The following KCNIP4 variants were observed in gnomAD, a reference collection of about 807,000 sequenced individuals.
The protein encoded by KCNIP4 is Kv channel-interacting protein 4.
A neutral mutation model predicts 34.0 loss-of-function variants in KCNIP4; 12 were observed. That is an observed-to-expected ratio of 0.35 (90% CI 0.23 to 0.57). The LOEUF (loss-of-function observed/expected upper bound fraction) is 0.57. Among genes scored for constraint, KCNIP4 ranks in the 20% least tolerant of loss-of-function variants. KCNIP4 has a pLI of 0.83. For synonymous variants in KCNIP4, 124 were observed against 102.2 expected, an observed-to-expected ratio of 1.21 and a Z score of -1.29; for missense variants, 238 against 311.7, an observed-to-expected ratio of 0.76 and a Z score of 1.78.
At chr4:21,197,588 TCCATAAATACAGCAAATCA>T (rs1756147793) in intron 1 of KCNIP4, among the ~76,000 whole-genome samples, 5 of 152,124 alleles carry the variant, frequency 3.3e-5, no homozygotes, top group African/African-American at 1.2e-4. Flanking sequence ...TAGTTTAGTT[TCCATAAATACAGCAAATCA>T]GCTGTATTTA....
intron 1 of KCNIP4, among the ~76,000 whole-genome samples, chr4:21,150,261 T>C (rs1262147815): frequency 6.6e-6 from 1 of 151,816 alleles, no homozygotes; most frequent in Non-Finnish European, 1.5e-5. Context: ...TGAGACTGAT[T>C]TAAGGATAAT....
chr4:21,340,322 T>C (rs918732916), intron 1 of KCNIP4, among the ~76,000 whole-genome samples: 3 of 152,192 alleles, frequency 2.0e-5, no homozygotes, highest in Admixed American at 6.5e-5. Flanking sequence ...ACAGTTCATT[T>C]ACATTTTAAA....
chr4:21,681,791 A>G (rs949508871), intron 1 of KCNIP4, among the ~76,000 whole-genome samples: 1 of 152,104 alleles, frequency 6.6e-6, no homozygotes, highest in Non-Finnish European at 1.5e-5. Context: ...GAAAGCTTCC[A>G]CTCATGGCAG....
chr4:21,836,935 T>TG (rs1723358831), intron 1 of KCNIP4, among the ~76,000 whole-genome samples: 1 of 132,322 alleles, frequency 7.6e-6, no homozygotes, highest in Non-Finnish European at 1.6e-5. Flanking sequence ...TTTTTTTTTT[T>TG]GAGACAGAGT....
At chr4:21,556,877 C>T (rs918072787) in intron 1 of KCNIP4, among the ~76,000 whole-genome samples, 14 of 125,724 alleles carry the variant, frequency 1.1e-4, no homozygotes, top group African/African-American at 3.6e-4. Flanking sequence ...GCTGAGATTA[C>T]GCCACTGCAC....
chr4:21,911,660 T>G (rs1295097560), intron 1 of KCNIP4, among the ~76,000 whole-genome samples: 2 of 139,416 alleles, frequency 1.4e-5, no homozygotes, highest in Non-Finnish European at 1.6e-5. Context: ...ACACACAGAG[T>G]CTGGTATTGG....
chr4:21,746,229 T>G (rs1261463914), intron 1 of KCNIP4, among the ~76,000 whole-genome samples: 3 of 152,188 alleles, frequency 2.0e-5, no homozygotes. Flanking sequence ...TATAGTATCA[T>G]GCTGAGGTTT....
intron 1 of KCNIP4, among the ~76,000 whole-genome samples, chr4:21,367,909 C>T (rs373175054): frequency 6.8e-6 from 1 of 147,456 alleles, no homozygotes; most frequent in South Asian, 2.1e-4. Context: ...GCAAGTGGTT[C>T]CCCAGAGACT....
intron 1 of KCNIP4, among the ~76,000 whole-genome samples, chr4:21,166,938 C>CAA (rs55649635): frequency 0.084 from 3,139 of 37,572 alleles, 678 homozygotes; most frequent in South Asian, 0.22. Context: ...CACTCCATCT[C>CAA]AAAAAAAAAA....
At chr4:20,973,453 ATATTC>A (rs887303406) in intron 1 of KCNIP4, among the ~76,000 whole-genome samples, 12 of 152,158 alleles carry the variant, frequency 7.9e-5, no homozygotes, top group Non-Finnish European at 1.3e-4. Context: ...GGCTGGTTTG[ATATTC>A]TATTCAGATC....
intron 1 of KCNIP4, among the ~76,000 whole-genome samples, chr4:21,394,838 C>A (rs1304435814): frequency 6.6e-6 from 1 of 152,110 alleles, no homozygotes; most frequent in Non-Finnish European, 1.5e-5. Context: ...CTGAAAAAGT[C>A]TTGATTGACA....
intron 3 of KCNIP4, among the ~76,000 whole-genome samples, chr4:20,786,585 A>T (rs887090357): frequency 1.3e-5 from 2 of 152,202 alleles, no homozygotes; most frequent in Admixed American, 1.3e-4. Flanking sequence ...CAGAAAAAGA[A>T]GAAAATCATC....
intron 5 of KCNIP4, among the ~76,000 whole-genome samples, chr4:20,735,729 G>T (rs1163960743): frequency 6.6e-6 from 1 of 151,976 alleles, no homozygotes; most frequent in African/African-American, 2.4e-5. Context: ...TAGAGATGGG[G>T]TTTCACCATG....
At chr4:20,907,885 T>C (rs1478321121) in intron 1 of KCNIP4, among the ~76,000 whole-genome samples, 1 of 152,082 alleles carries the variant, frequency 6.6e-6, no homozygotes, top group Non-Finnish European at 1.5e-5. Context: ...TCAAATTTTC[T>C]TGAACAACTG....
At chr4:21,831,214 C>T (rs533156114) in intron 1 of KCNIP4, among the ~76,000 whole-genome samples, 14 of 151,836 alleles carry the variant, frequency 9.2e-5, no homozygotes, top group African/African-American at 3.4e-4. Flanking sequence ...GAAGAAAGAT[C>T]TCAAATAACC....
At chr4:21,748,610 T>TA (rs2109140570) in intron 1 of KCNIP4, among the ~76,000 whole-genome samples, 1 of 152,300 alleles carries the variant, frequency 6.6e-6, no homozygotes, top group Admixed American at 6.5e-5. Flanking sequence ...ACCGAATTTA[T>TA]ACCCTGTTGT....
intron 1 of KCNIP4, among the ~76,000 whole-genome samples, chr4:21,260,654 GAGC>G (rs1761412142): frequency 6.6e-6 from 1 of 152,176 alleles, no homozygotes; most frequent in Non-Finnish European, 1.5e-5. Flanking sequence ...ATAGTAGACA[GAGC>G]TTATCTACTA....
chr4:21,892,211 C>T (rs1727136705), intron 1 of KCNIP4, among the ~76,000 whole-genome samples: 1 of 151,830 alleles, frequency 6.6e-6, no homozygotes, highest in Non-Finnish European at 1.5e-5. Context: ...GGTAAATTAA[C>T]TATTGCTACA....
At chr4:21,585,545 T>C (rs191625510) in intron 1 of KCNIP4, among the ~76,000 whole-genome samples, 156 of 152,242 alleles carry the variant, frequency 1.0e-3, no homozygotes, top group Middle Eastern at 3.4e-3. Context: ...TCATTGATCT[T>C]GGCAGATCTG....
Sources: gnomAD v4.1 joint callset for allele counts (sites outside exome capture counted in the v4.1 genomes callset) on GRCh38, gnomAD v4.1.1 for gene constraint, MANE v1.5 for transcripts, NCBI Gene and HGNC (gene_info 2026-07-23, HGNC 2026-07-21) for gene names.